The following ST6GAL1 variants were observed in gnomAD, a reference collection of about 807,000 sequenced individuals.
ST6GAL1 encodes the protein beta-galactoside alpha-2,6-sialyltransferase 1.
Under a neutral mutation model 38.0 loss-of-function variants are expected in ST6GAL1, and 20 were observed. That is an observed-to-expected ratio of 0.53 (90% CI 0.37 to 0.77). The LOEUF (loss-of-function observed/expected upper bound fraction) is 0.77. Among genes scored for constraint, ST6GAL1 ranks in the 30% least tolerant of loss-of-function variants. The pLI is 0.00. For synonymous variants in ST6GAL1, 196 were observed against 188.2 expected, an observed-to-expected ratio of 1.04 and a Z score of -0.34; for missense variants, 432 against 496.4, an observed-to-expected ratio of 0.87 and a Z score of 1.23.
intron 2 of ST6GAL1, among the ~76,000 whole-genome samples, chr3:187,010,021 T>A (rs1374225128): frequency 6.6e-6 from 1 of 152,036 alleles, no homozygotes; most frequent in East Asian, 1.9e-4. Context: ...GAAAAAATTA[T>A]AACCCTTTGT....
At chr3:187,033,626 AAATTCATACAC>A (rs1418805597) in intron 2 of ST6GAL1, among the ~76,000 whole-genome samples, 1 of 152,176 alleles carries the variant, frequency 6.6e-6, no homozygotes, top group Non-Finnish European at 1.5e-5. Context: ...ATTACTATAT[AAATTCATACAC>A]AATTATATAA....
rs1714605119 is a variant in ST6GAL1, at chr3:186,952,330, A to G, written c.-324-11455A>G. On this transcript the variant is annotated intron_variant, in intron 1 of 7. Coordinates refer to ENST00000169298, the MANE Select transcript of ST6GAL1 (RefSeq NM_173216.2). This position sits in a 1 kb window ranked among gnomAD's most constrained non-coding sequence, Gnocchi z 4.1. Reference sequence around the variant, plus strand: ...CTCTCTTGCCAAATCCAGTGGTCAGATCTCAGTCCCTATCTTGACTGATCA... The same window carrying G: ...CTCTCTTGCCAAATCCAGTGGTCAGGTCTCAGTCCCTATCTTGACTGATCA... Among the ~76,000 whole-genome samples the G allele has an allele frequency of 6.6e-6, 1 of 152,118 alleles. No individual in the cohort carries two copies. The highest frequency in any genetic ancestry group is 1.5e-5 in the Non-Finnish European group (1 of 68,022).
chr3:186,943,205 G>C (rs1294320807), intron 1 of ST6GAL1, among the ~76,000 whole-genome samples: 2 of 152,212 alleles, frequency 1.3e-5, no homozygotes, highest in Non-Finnish European at 2.9e-5. Flanking sequence ...CTGTGTCTTA[G>C]AAAGTAGTAG....
At chr3:186,944,051 T>C (rs947808462) in intron 1 of ST6GAL1, among the ~76,000 whole-genome samples, 1 of 152,256 alleles carries the variant, frequency 6.6e-6, no homozygotes, top group African/African-American at 2.4e-5. Context: ...CTAGTGGGTC[T>C]GATGTTGACA....
chr3:187,010,475 T>C (rs1360917033), intron 2 of ST6GAL1, among the ~76,000 whole-genome samples: 1 of 152,212 alleles, frequency 6.6e-6, no homozygotes, highest in African/African-American at 2.4e-5. Flanking sequence ...GATTTATTTA[T>C]TTTTTGAGAT....
intron 2 of ST6GAL1, among the ~76,000 whole-genome samples, chr3:187,019,176 G>A (rs921763293): frequency 2.0e-5 from 3 of 152,196 alleles, no homozygotes; most frequent in African/African-American, 7.2e-5. Context: ...CAAGAGATAT[G>A]ATTTGATGTG....
chr3:187,047,034 C>G (rs951227895), intron 4 of ST6GAL1, among the ~76,000 whole-genome samples: 29 of 152,196 alleles, frequency 1.9e-4, no homozygotes, highest in Non-Finnish European at 4.4e-5. Context: ...CAAGCTCCGC[C>G]TCCCAGGTTC....
intron 5 of ST6GAL1, among the ~76,000 whole-genome samples, chr3:187,060,333 G>T (rs556023312): frequency 6.6e-6 from 1 of 152,160 alleles, no homozygotes; most frequent in South Asian, 2.1e-4. Context: ...ACTAATTTTT[G>T]TATTTTTAGC....
chr3:186,962,994 T>C (rs1303533262), intron 1 of ST6GAL1, among the ~76,000 whole-genome samples: 1 of 152,172 alleles, frequency 6.6e-6, no homozygotes, highest in African/African-American at 2.4e-5. Context: ...ACAGGTAGAG[T>C]ATGTTATCTG....
chr3:186,941,849 A>G (rs1393678082), intron 1 of ST6GAL1, among the ~76,000 whole-genome samples: 3 of 152,080 alleles, frequency 2.0e-5, no homozygotes, highest in Non-Finnish European at 2.9e-5. Flanking sequence ...CGTCTCTACT[A>G]AAAATACAAA....
At chr3:186,985,268 C>T (rs528449518) in intron 2 of ST6GAL1, among the ~76,000 whole-genome samples, 3 of 152,062 alleles carry the variant, frequency 2.0e-5, no homozygotes, top group East Asian at 1.9e-4. Context: ...TTTTAAGATA[C>T]CAAATAATTT....
chr3:187,069,027 T>C (rs1345611562), intron 5 of ST6GAL1, among the ~76,000 whole-genome samples: 1 of 152,188 alleles, frequency 6.6e-6, no homozygotes, highest in African/African-American at 2.4e-5. Context: ...ACGTTCCCAG[T>C]GGAAGGAGGA....
chr3:187,043,080 A>G lies in ST6GAL1; in HGVS notation c.377A>G (p.Tyr126Cys). 1 of 1,614,214 alleles carries G rather than the reference A, an allele frequency of 6.2e-7. No homozygotes were observed. Among genetic ancestry groups the G allele is most frequent in the Non-Finnish European group, 8.5e-7 (1 of 1,180,030 alleles). The change falls in exon 4 of 8, where the codon TAC becomes TGC. Residue 126 changes from tyrosine to cysteine, a missense_variant. Tyr to Cys is a radical substitution (Grantham distance 194). Coordinates refer to ENST00000169298, the MANE Select transcript of ST6GAL1 (RefSeq NM_173216.2). ...YLSMNKYKVS[Y>C]KGPGPGIKFS... ...AGCATGAACAAGTACAAAGTGTCCT[A>G]CAAGGGGCCAGGACCAGGCATCAAG...
chr3:186,988,937 CA>C (rs924191061), intron 2 of ST6GAL1, among the ~76,000 whole-genome samples: 2 of 152,048 alleles, frequency 1.3e-5, no homozygotes, highest in African/African-American at 4.8e-5. Flanking sequence ...AAAACCAAAC[CA>C]AACCAAACCA....
chr3:186,936,861 G>C (rs111753184), intron 1 of ST6GAL1, among the ~76,000 whole-genome samples: 48,590 of 146,610 alleles, frequency 0.33, 7,802 homozygotes, highest in Middle Eastern at 0.36. Flanking sequence ...AGAATCGTTT[G>C]AACCCTGGAG....
chr3:186,959,904 C>T (rs1341784027), intron 1 of ST6GAL1, among the ~76,000 whole-genome samples: 4 of 152,366 alleles, frequency 2.6e-5, no homozygotes, highest in Middle Eastern at 6.8e-3. Flanking sequence ...GGTTATCTCA[C>T]GCTGAGGCTC....
intron 2 of ST6GAL1, among the ~76,000 whole-genome samples, chr3:186,998,915 A>G (rs1430679431): frequency 3.3e-5 from 5 of 152,226 alleles, no homozygotes; most frequent in Non-Finnish European, 7.3e-5. Flanking sequence ...TTACAGAACT[A>G]TCTAATGGTT....
intron 1 of ST6GAL1, among the ~76,000 whole-genome samples, chr3:186,936,331 G>T (rs1713951368): frequency 6.6e-6 from 1 of 152,214 alleles, no homozygotes. Flanking sequence ...CACAGTAATT[G>T]TTCTGGACCA....
At chr3:186,954,412 C>G (rs1304797001) in intron 1 of ST6GAL1, among the ~76,000 whole-genome samples, 2 of 152,228 alleles carry the variant, frequency 1.3e-5, no homozygotes, top group African/African-American at 4.8e-5. Flanking sequence ...ACCACACTGT[C>G]TTCCACAATG....
Sources: gnomAD v4.1 joint callset for allele counts (sites outside exome capture counted in the v4.1 genomes callset) on GRCh38, gnomAD v4.1.1 for gene constraint, Gnocchi (gnomAD v3.1) non-coding constraint, MANE v1.5 for transcripts, NCBI Gene and HGNC (gene_info 2026-07-23, HGNC 2026-07-21) for gene names.